Variants in COL13A1 observed in about 807,000 individuals in gnomAD.
The protein encoded by COL13A1 is collagen type XIII alpha 1 chain, also known as collagen alpha-1(XIII) chain.
Under a neutral mutation model 130.9 loss-of-function variants are expected in COL13A1, and 89 were observed. The observed-to-expected ratio is 0.68, with a 90% CI of 0.57 to 0.81. COL13A1 has a LOEUF of 0.81. Ranked by LOEUF, COL13A1 falls within the 30% of genes least tolerant of loss-of-function variation. The pLI is 0.00. For missense variants in COL13A1, 879 were observed against 934.6 expected, an observed-to-expected ratio of 0.94 and a Z score of 0.78; for synonymous variants, 402 against 341.6, an observed-to-expected ratio of 1.18 and a Z score of -1.95.
rs972487493 is a variant in COL13A1, at chr10:69,892,341, C to G, written c.604-2211C>G. Among the ~76,000 whole-genome samples the G allele has an allele frequency of 4.6e-5, 7 of 152,266 alleles. No individual in the cohort carries two copies. The South Asian group carries it at 1.5e-3, about 32-fold the overall frequency. On this transcript the variant is annotated intron_variant, in intron 10 of 40. Transcript: ENST00000645393. ...CTCACCCTCATTGTTTAACCTGTGT[C>G]CTCACCTCTCAAAAGGGAGTCACCT...
At chr10:69,871,067 C>G (rs934437789) in intron 3 of COL13A1, among the ~76,000 whole-genome samples, 1 of 152,044 alleles carries the variant, frequency 6.6e-6, no homozygotes, top group African/African-American at 2.4e-5. Flanking sequence ...GAGGTTGGAC[C>G]CTCCTCACCC....
intron 36 of COL13A1, among the ~76,000 whole-genome samples, chr10:69,944,460 A>G (rs781215705): frequency 6.6e-6 from 1 of 152,134 alleles, no homozygotes; most frequent in Non-Finnish European, 1.5e-5. Context: ...GTCTGAGACC[A>G]GCCTGGACAA....
chr10:69,896,261 C>G (rs187885460), intron 13 of COL13A1, among the ~76,000 whole-genome samples: 1 of 151,928 alleles, frequency 6.6e-6, no homozygotes, highest in Admixed American at 6.6e-5. Context: ...AGACACAGAA[C>G]CCAAAAGACT....
chr10:69,925,455 G>A (rs1481437828), intron 25 of COL13A1, among the ~76,000 whole-genome samples: 1 of 152,212 alleles, frequency 6.6e-6, no homozygotes, highest in Non-Finnish European at 1.5e-5. Context: ...AGTGAACTGG[G>A]GTCCCAAGTT....
At chr10:69,812,262 G>C (rs567837485) in intron 1 of COL13A1, among the ~76,000 whole-genome samples, 34 of 152,260 alleles carry the variant, frequency 2.2e-4, no homozygotes, top group African/African-American at 8.2e-4. Context: ...GTGGCACGCT[G>C]TCAAGGCTAG....
chr10:69,828,024 G>T (rs1000957909), intron 2 of COL13A1, among the ~76,000 whole-genome samples: 2 of 152,180 alleles, frequency 1.3e-5, no homozygotes, highest in African/African-American at 2.4e-5. Context: ...AGAGTTGATG[G>T]TTATTTTAGG....
At chr10:69,919,925 C>A (rs1484277472) in intron 21 of COL13A1, among the ~76,000 whole-genome samples, 198 bp downstream of exon 21, 1 of 152,218 alleles carries the variant, frequency 6.6e-6, no homozygotes, top group Non-Finnish European at 1.5e-5. Flanking sequence ...TCCTGGGCAG[C>A]CTTGATTACC....
At chr10:69,893,010 C>T (rs1255074858) in intron 10 of COL13A1, among the ~76,000 whole-genome samples, 1 of 152,174 alleles carries the variant, frequency 6.6e-6, no homozygotes, top group Non-Finnish European at 1.5e-5. Flanking sequence ...GTGGTCTGGG[C>T]CCGGGTTCCC....
At chr10:69,910,650 G>A (rs925813166) in intron 17 of COL13A1, among the ~76,000 whole-genome samples, 2 of 152,240 alleles carry the variant, frequency 1.3e-5, no homozygotes, top group Non-Finnish European at 2.9e-5. Flanking sequence ...CTCCTGCCTA[G>A]ACACTGCGAG....
chr10:69,926,718 G>C (rs1280298266), intron 26 of COL13A1, among the ~76,000 whole-genome samples: 1 of 152,174 alleles, frequency 6.6e-6, no homozygotes, highest in African/African-American at 2.4e-5. Context: ...GGGAGAAGAG[G>C]AAAGAACAAG....
intron 17 of COL13A1, among the ~76,000 whole-genome samples, chr10:69,907,847 C>G (rs952038198): frequency 6.6e-6 from 1 of 152,240 alleles, no homozygotes; most frequent in African/African-American, 2.4e-5. Flanking sequence ...CCCACTCCCG[C>G]GACAGCAACA....
intron 2 of COL13A1, among the ~76,000 whole-genome samples, chr10:69,830,701 C>T (rs1035451872): frequency 2.0e-5 from 3 of 152,072 alleles, no homozygotes; most frequent in Admixed American, 6.5e-5. Flanking sequence ...GTGGTGGGTA[C>T]GCCAGGTTCA....
chr10:69,805,693 T>C (rs2704502), intron 1 of COL13A1, among the ~76,000 whole-genome samples: 151,105 of 152,258 alleles, frequency 0.99, 74,987 homozygotes, highest in East Asian at 1. Flanking sequence ...GAGCAGCTTC[T>C]GGGCCTGCAA....
intron 2 of COL13A1, among the ~76,000 whole-genome samples, chr10:69,864,903 G>A (rs565574773): frequency 4.6e-5 from 7 of 152,288 alleles, no homozygotes; most frequent in South Asian, 4.1e-4. Flanking sequence ...CCCTGCTTGC[G>A]GGCTGCTTAG....
chr10:69,878,713 C>T (rs903985776), intron 6 of COL13A1, among the ~76,000 whole-genome samples: 1 of 152,224 alleles, frequency 6.6e-6, no homozygotes, highest in Non-Finnish European at 1.5e-5. Flanking sequence ...AATTCCTGAC[C>T]TCAGGTGATC....
chr10:69,828,499 C>G (rs112668797), intron 2 of COL13A1, among the ~76,000 whole-genome samples: 2,366 of 152,356 alleles, frequency 0.016, 28 homozygotes, highest in Non-Finnish European at 0.025. Flanking sequence ...CTTTGTCTCT[C>G]TAGCCTGATC....
At chr10:69,802,830 G>A in intron 1 of COL13A1, 113 bp downstream of exon 1, 1 of 1,386,866 alleles carries the variant, frequency 7.2e-7, no homozygotes, top group Non-Finnish European at 9.9e-7. Flanking sequence ...CCCCAGGTTC[G>A]CGCGAGTTGC....
intron 31 of COL13A1, among the ~76,000 whole-genome samples, chr10:69,932,856 G>T (rs967844955): frequency 6.6e-6 from 1 of 152,080 alleles, no homozygotes; most frequent in Non-Finnish European, 1.5e-5. Context: ...AACAGAACTT[G>T]CCGGGCACGG....
At chr10:69,825,414 C>T (rs1340249295) in intron 2 of COL13A1, among the ~76,000 whole-genome samples, 1 of 152,170 alleles carries the variant, frequency 6.6e-6, no homozygotes, top group Admixed American at 6.5e-5. Flanking sequence ...TCTTGCAGCA[C>T]CTAATACTGT....
Sources: allele counts gnomAD v4.1 joint callset (sites outside exome capture counted in the v4.1 genomes callset), GRCh38; gene constraint gnomAD v4.1.1; transcripts MANE v1.5; gene names NCBI Gene and HGNC (gene_info 2026-07-23, HGNC 2026-07-21).